JAM2: variants seen among roughly 807,000 people sequenced by gnomAD.
JAM2 encodes junctional adhesion molecule 2.
In JAM2, 17 loss-of-function variants were observed where a neutral mutation model predicts 42.0. The observed-to-expected ratio is 0.40, with a 90% CI of 0.28 to 0.61. The LOEUF is 0.61. Ranked by LOEUF, JAM2 falls within the 20% of genes least tolerant of loss-of-function variation. The pLI is 0.37. For synonymous variants in JAM2, 118 were observed against 128.6 expected (o/e 0.92, Z 0.56); for missense variants, 319 against 358.3 (o/e 0.89, Z 0.89).
chr21:25,673,369 C>T (rs928263441), intron 1 of JAM2, among the ~76,000 whole-genome samples: 2 of 152,152 alleles, frequency 1.3e-5, no homozygotes, highest in African/African-American at 2.4e-5. Flanking sequence ...ATGAAAATAA[C>T]TTTATCCTCA....
Position 25,716,867 on chromosome 21 carries a change from T to C in JAM2, c.*2195T>C, listed in dbSNP as rs967020928. 1.1e-4 allele frequency: 16 copies of C among 152,240 alleles called. No homozygotes were observed. Among genetic ancestry groups the C allele is most frequent in the African/African-American group, 3.9e-4 (16 of 41,476 alleles). The allele number at this position is 152,240 out of a possible 1,614,324, so 9.4% of individuals were successfully genotyped here. A position where few individuals can be genotyped will look rare whatever the true frequency, so the allele number is the denominator to read the frequency against. ...CTTTGGTTTGAGGAATGCTTTCCTC[T>C]TGCATTGGCATGCCAAGAGGATAGA... On this transcript the variant is annotated 3_prime_UTR_variant, in exon 10 of 10. Coordinates refer to ENST00000480456, the MANE Select transcript of JAM2 (RefSeq NM_021219.4).
At chr21:25,673,116 C>A (rs555056935) in intron 1 of JAM2, among the ~76,000 whole-genome samples, 1 of 152,306 alleles carries the variant, frequency 6.6e-6, no homozygotes, top group South Asian at 2.1e-4. Flanking sequence ...TTCTTCATGT[C>A]TGATGAGGAG....
At chr21:25,655,143 A>G (rs1166811294) in intron 1 of JAM2, among the ~76,000 whole-genome samples, 2 of 152,194 alleles carry the variant, frequency 1.3e-5, no homozygotes, top group African/African-American at 4.8e-5. Context: ...ATTATTTGAT[A>G]TATATGATTT....
At chr21:25,659,956 C>CT in intron 1 of JAM2, among the ~76,000 whole-genome samples, 1 of 152,290 alleles carries the variant, frequency 6.6e-6, no homozygotes, top group South Asian at 2.1e-4. Flanking sequence ...GAATCTCACT[C>CT]TGTCACCCAG....
chr21:25,688,627 A>G (rs1230471749), intron 2 of JAM2, among the ~76,000 whole-genome samples: 1 of 152,196 alleles, frequency 6.6e-6, no homozygotes, highest in Non-Finnish European at 1.5e-5. Flanking sequence ...AACTTTAGAC[A>G]TTCTTGAAAA....
chr21:25,688,644 T>G (rs2033809167), intron 2 of JAM2, among the ~76,000 whole-genome samples: 1 of 152,216 alleles, frequency 6.6e-6, no homozygotes, highest in Non-Finnish European at 1.5e-5. Flanking sequence ...AAAACAACTT[T>G]TGGTTCTTTT....
chr21:25,675,040 G>A (rs922001219), intron 1 of JAM2, among the ~76,000 whole-genome samples: 24 of 152,032 alleles, frequency 1.6e-4, no homozygotes, highest in Non-Finnish European at 2.6e-4. Flanking sequence ...ACTGGCTCAC[G>A]GTTCTGCAGG....
chr21:25,649,510 G>A (rs1427962625), intron 1 of JAM2, among the ~76,000 whole-genome samples: 3 of 152,162 alleles, frequency 2.0e-5, no homozygotes, highest in African/African-American at 7.2e-5. Flanking sequence ...CTGCCACCGT[G>A]TCTCTCCCAC....
chr21:25,652,455 A>G (rs1409920336), intron 1 of JAM2, among the ~76,000 whole-genome samples: 2 of 152,216 alleles, frequency 1.3e-5, no homozygotes, highest in East Asian at 1.9e-4. Flanking sequence ...ATATAACCAC[A>G]TAAAGGAAAT....
chr21:25,693,947 C>A (rs561611951), intron 4 of JAM2, 39 bp downstream of exon 4: 3 of 1,596,832 alleles, frequency 1.9e-6, no homozygotes, highest in African/African-American at 2.7e-5. Flanking sequence ...TCTCCCACTC[C>A]TTCTCCACCA....
At position 25,717,519 on chromosome 21, in the gene JAM2, C is replaced by A; in HGVS notation, c.*2847C>A. On this transcript the variant is annotated 3_prime_UTR_variant, in exon 10 of 10. Transcript: ENST00000480456. Reference sequence around the variant, plus strand: ...CAACTTTGCAAAGAACTTCCTTTTTCCACAGGTGGCTTTGTTCGATTAAAG... The same window carrying A: ...CAACTTTGCAAAGAACTTCCTTTTTACACAGGTGGCTTTGTTCGATTAAAG... The A allele has an allele frequency of 9.0e-7, 1 of 1,108,656 alleles. No individual in the cohort carries two copies. The highest frequency in any genetic ancestry group is 1.2e-6 in the Non-Finnish European group (1 of 836,018). The allele number at this position is 1,108,656 out of a possible 1,614,324, so 68.7% of individuals were successfully genotyped here. A position where few individuals can be genotyped will look rare whatever the true frequency, so the allele number is the denominator to read the frequency against.
At chr21:25,688,969 G>A (rs1315701058) in intron 2 of JAM2, among the ~76,000 whole-genome samples, 1 of 150,488 alleles carries the variant, frequency 6.6e-6, no homozygotes, top group Non-Finnish European at 1.5e-5. Flanking sequence ...ATAACTGGAG[G>A]TTTCCATTTG....
intron 1 of JAM2, among the ~76,000 whole-genome samples, chr21:25,644,719 T>C (rs1188860068): frequency 6.6e-6 from 1 of 152,244 alleles, no homozygotes; most frequent in Non-Finnish European, 1.5e-5. Flanking sequence ...GCTATTATTC[T>C]GTTTCTCACA....
intron 1 of JAM2, among the ~76,000 whole-genome samples, chr21:25,668,881 G>C (rs750188664): frequency 6.6e-6 from 1 of 152,174 alleles, no homozygotes; most frequent in African/African-American, 2.4e-5. Flanking sequence ...TGTAGAAAGC[G>C]TGTTAAGAAG....
At chr21:25,671,389 T>C (rs1028792614) in intron 1 of JAM2, among the ~76,000 whole-genome samples, 11 of 152,224 alleles carry the variant, frequency 7.2e-5, no homozygotes, top group African/African-American at 2.7e-4. Context: ...CCTTGGTAAG[T>C]ACTCTTGTAA....
intron 1 of JAM2, among the ~76,000 whole-genome samples, chr21:25,651,405 C>T (rs562994324): frequency 6.6e-6 from 1 of 152,238 alleles, no homozygotes; most frequent in South Asian, 2.1e-4. Context: ...CACTTCTTCC[C>T]TTAGCAAAAT....
intron 7 of JAM2, among the ~76,000 whole-genome samples, chr21:25,707,229 C>T (rs2034291224): frequency 6.6e-6 from 1 of 152,108 alleles, no homozygotes; most frequent in East Asian, 1.9e-4. Context: ...TGCCTGTCAT[C>T]CTACCACTTT....
intron 9 of JAM2, among the ~76,000 whole-genome samples, chr21:25,713,126 C>T (rs1248219171): frequency 6.6e-6 from 1 of 152,158 alleles, no homozygotes. Flanking sequence ...ACCTAATCAC[C>T]TCCTAAAGGC....
rs1294582814 is a variant in JAM2 at position 25,643,183 on chromosome 21, T to C, written c.67+3295T>C. Among the ~76,000 whole-genome samples the C allele has an allele frequency of 2.6e-5, 4 of 152,202 alleles. No individual in the cohort carries two copies. The East Asian group carries it at 7.7e-4, about 29-fold the overall frequency. ...AAAAGAAGTGTATAGATTGAACTGA[T>C]TGCAATATAAATCATGAAGCTCTAA... On this transcript the variant is annotated intron_variant, in intron 1 of 9. Transcript: ENST00000480456.
Sources: gnomAD v4.1 joint callset for allele counts (sites outside exome capture counted in the v4.1 genomes callset) on GRCh38, gnomAD v4.1.1 for gene constraint, MANE v1.5 for transcripts, NCBI Gene and HGNC (gene_info 2026-07-23, HGNC 2026-07-21) for gene names.